RETREG1: variants seen among roughly 807,000 people sequenced by gnomAD.
RETREG1 encodes family with sequence similarity 134 member B.
RETREG1 carries 44 observed loss-of-function variants against 54.8 expected under a neutral mutation model. The ratio of observed to expected loss-of-function variants is 0.80; its 90% CI spans 0.63 to 1.03. RETREG1 has a LOEUF of 1.03. RETREG1 is among the 50% of genes least tolerant of loss of function. The pLI is 0.00. For synonymous variants in RETREG1, 217 were observed against 238.5 expected, an observed-to-expected ratio of 0.91 and a Z score of 0.83; for missense variants, 554 against 605.1, an observed-to-expected ratio of 0.92 and a Z score of 0.89.
In RETREG1 at chr5:16,591,715, C is replaced by T. The variant is rs575033084; in HGVS notation, c.321-19613G>A. Among the ~76,000 whole-genome samples the T allele has an allele frequency of 1.5e-4, 23 of 152,316 alleles. 1 individual carries two copies. In the East Asian group the frequency reaches 4.4e-3, roughly 29 times the overall value. ...ATTAAACAAGGGGGACGAAGCCCTC[C>T]CTTAGCACAGGCCCTAACCAAGTCC... On this transcript the variant is annotated intron_variant, in intron 1 of 8. Transcript: ENST00000306320.
At chr5:16,476,239 C>A (rs1387347917) in intron 8 of RETREG1, among the ~76,000 whole-genome samples, 1 of 152,110 alleles carries the variant, frequency 6.6e-6, no homozygotes, top group Non-Finnish European at 1.5e-5. Context: ...ACCTTCCAAA[C>A]CCATCTTCTT....
In RETREG1 at chr5:16,585,843, G is replaced by A. The variant is rs1237512387; in HGVS notation, c.321-13741C>T. ...TGGCAAGAGGGAGTGTGGGGAGGGG[G>A]TGCCACATATTTAAACTACCAGATC... On this transcript the variant is annotated intron_variant, in intron 1 of 8. Transcript: ENST00000306320. This position sits in a 1 kb window ranked among gnomAD's most constrained non-coding sequence, Gnocchi z 4.5. Among the ~76,000 whole-genome samples, 3 of 151,966 alleles carry A rather than the reference G, an allele frequency of 2.0e-5. No homozygotes were observed. Among genetic ancestry groups the A allele is most frequent in the South Asian group, 2.1e-4 (1 of 4,826 alleles).
At chr5:16,573,543 A>G (rs1232767916) in intron 1 of RETREG1, among the ~76,000 whole-genome samples, 2 of 152,194 alleles carry the variant, frequency 1.3e-5, no homozygotes, top group East Asian at 1.9e-4. Flanking sequence ...GAACACACGA[A>G]TACTGCCTTC....
At chr5:16,493,225 T>G (rs1474812685) in intron 3 of RETREG1, among the ~76,000 whole-genome samples, 1 of 152,228 alleles carries the variant, frequency 6.6e-6, no homozygotes, top group African/African-American at 2.4e-5. Context: ...ACCTAGATCA[T>G]TTGGGAGGCT....
At position 16,477,786 on chromosome 5, in the gene RETREG1, A is replaced by C. The variant is rs759867729; in HGVS notation, c.876T>G (p.Ile292Met). 6.2e-7 allele frequency: 1 copy of C among 1,613,376 alleles called. No individual in the cohort carries two copies. The highest frequency in any genetic ancestry group is 1.1e-5 in the South Asian group (1 of 91,078). The part of the protein sequence containing the change: ...ELDFSALCPK[I>M]SLTVAAKELS... The stretch of plus-strand genomic sequence containing the variant: ...ACTCTTTGGCAGCAACCGTGAGGCT[A>C]ATCTGTGTTAATATAAATAAATACC... Residue 292 changes from isoleucine (I) to methionine (M), a missense_variant and splice_region_variant, in exon 8 of 9, where the codon ATT (isoleucine) becomes ATG (methionine). Physicochemically the swap from Ile to Met is conservative, Grantham distance 10 (BLOSUM62 1). Coordinates refer to ENST00000306320, the MANE Select transcript of RETREG1 (RefSeq NM_001034850.3).
chr5:16,519,266 C>T (rs756527618), intron 3 of RETREG1, among the ~76,000 whole-genome samples: 8 of 152,140 alleles, frequency 5.3e-5, no homozygotes, highest in Non-Finnish European at 1.2e-4. Flanking sequence ...ACTTTTTTCT[C>T]CAAAATACTA....
At chr5:16,567,678 C>T (rs115731749) in intron 2 of RETREG1, among the ~76,000 whole-genome samples, 4,726 of 152,226 alleles carry the variant, frequency 0.031, 220 homozygotes, top group African/African-American at 0.1. Flanking sequence ...AGCTGGGGGG[C>T]AGGCACGCTG....
chr5:16,543,579 G>C (rs376263892), intron 3 of RETREG1, among the ~76,000 whole-genome samples: 2 of 151,914 alleles, frequency 1.3e-5, no homozygotes, highest in South Asian at 4.2e-4. Context: ...GGGAGACTGA[G>C]GCAGGAGAAT....
At chr5:16,564,795 C>T (rs1344520506) in intron 3 of RETREG1, among the ~76,000 whole-genome samples, 2 of 152,182 alleles carry the variant, frequency 1.3e-5, no homozygotes, top group African/African-American at 4.8e-5. Context: ...AATGAAGGAA[C>T]AAGCAAGCAG....
Position 16,543,768 on chromosome 5 carries a change from C to T in RETREG1, c.458+21995G>A, listed in dbSNP as rs1741311698. ...AGCAATATATAAGAAGAGTTCCAAT[C>T]ACTCCACATCCTCACTAACACTTGG... is the stretch of plus-strand genomic sequence containing the variant. On this transcript the variant is annotated intron_variant, in intron 3 of 8. Transcript: ENST00000306320. Among the ~76,000 whole-genome samples the T allele has an allele frequency of 4.0e-5, 6 of 151,894 alleles. No individual in the cohort carries two copies. The South Asian group carries it at 1.0e-3, about 26-fold the overall frequency.
intron 1 of RETREG1, among the ~76,000 whole-genome samples, chr5:16,591,882 C>T (rs79637326): frequency 0.016 from 2,382 of 152,286 alleles, 65 homozygotes; most frequent in African/African-American, 0.054. Context: ...AAGGTGGCAG[C>T]TCCTCAGCAA....
chr5:16,527,799 A>T (rs1011045636), intron 3 of RETREG1, among the ~76,000 whole-genome samples: 2 of 44,704 alleles, frequency 4.5e-5, no homozygotes, highest in African/African-American at 1.3e-4. Flanking sequence ...GAGGGACTCT[A>T]ATTTTTTTTT....
intron 1 of RETREG1, among the ~76,000 whole-genome samples, chr5:16,610,558 C>G (rs2126375484): frequency 6.6e-6 from 1 of 152,240 alleles, no homozygotes; most frequent in East Asian, 1.9e-4. Flanking sequence ...AACAAATTTA[C>G]AAGAACAAAT....
intron 3 of RETREG1, among the ~76,000 whole-genome samples, chr5:16,503,225 T>C (rs1365188290): frequency 1.3e-5 from 2 of 152,178 alleles, no homozygotes; most frequent in Non-Finnish European, 2.9e-5. Context: ...CAAACTCTCT[T>C]GCATCAAAAA....
chr5:16,574,791 C>T (rs2617432), intron 1 of RETREG1, among the ~76,000 whole-genome samples: 10,633 of 152,288 alleles, frequency 0.07, 422 homozygotes, highest in Non-Finnish European at 0.095. Context: ...AAGCACTGTG[C>T]TACCAAAAGG....
At position 16,483,336 on chromosome 5, in the gene RETREG1, G is replaced by A; in HGVS notation, c.585+10C>T. ...CATTTTAAAACATACTCCTTTACTG[G>A]AAAACTTGCCTTGCCAGGGCTCTGC... On this transcript the variant is annotated intron_variant, in intron 4 of 8. Coordinates refer to ENST00000306320, the MANE Select transcript of RETREG1 (RefSeq NM_001034850.3). The A allele has an allele frequency of 6.2e-7, 1 of 1,612,916 alleles. No individual in the cohort carries two copies. The highest frequency in any genetic ancestry group is 1.1e-5 in the South Asian group (1 of 91,042).
At chr5:16,550,139 A>T (rs1208804069) in intron 3 of RETREG1, among the ~76,000 whole-genome samples, 2 of 152,120 alleles carry the variant, frequency 1.3e-5, no homozygotes, top group African/African-American at 2.4e-5. Context: ...ATAATGCAAT[A>T]CACCCCAGTG....
chr5:16,574,890 C>T (rs1198332613), intron 1 of RETREG1, among the ~76,000 whole-genome samples: 1 of 152,204 alleles, frequency 6.6e-6, no homozygotes, highest in African/African-American at 2.4e-5. Context: ...TCTTTAGCAA[C>T]AATCATTTGT....
intron 3 of RETREG1, among the ~76,000 whole-genome samples, chr5:16,538,416 T>G (rs1403615156): frequency 1.3e-5 from 2 of 152,206 alleles, no homozygotes; most frequent in Non-Finnish European, 2.9e-5. Context: ...ATAATAATGA[T>G]GATCGCTAAA....
Sources: allele counts gnomAD v4.1 joint callset (sites outside exome capture counted in the v4.1 genomes callset), GRCh38; gene constraint gnomAD v4.1.1; non-coding constraint Gnocchi (gnomAD v3.1); transcripts MANE v1.5; gene names NCBI Gene and HGNC (gene_info 2026-07-23, HGNC 2026-07-21).